LANCL1: variants seen among roughly 807,000 people sequenced by gnomAD.
LANCL1 encodes the protein LanC like glutathione S-transferase 1.
A neutral mutation model predicts 50.6 loss-of-function variants in LANCL1; 50 were observed. The observed-to-expected ratio is 0.99, with a 90% CI of 0.79 to 1.25. The LOEUF is 1.25. LANCL1 is among the 50% of genes most tolerant of loss of function. LANCL1 has a pLI of 0.00. For missense variants in LANCL1, 532 were observed against 480.7 expected, an observed-to-expected ratio of 1.11 and a Z score of -1.00; for synonymous variants, 188 against 178.6, an observed-to-expected ratio of 1.05 and a Z score of -0.42.
At chr2:210,450,391 C>T (rs999676428) in intron 4 of LANCL1, among the ~76,000 whole-genome samples, 3 of 152,174 alleles carry the variant, frequency 2.0e-5, no homozygotes, top group African/African-American at 7.2e-5. Flanking sequence ...CATAAAATCA[C>T]TAGAAGACAA....
chr2:210,446,163 C>T (rs541509039), intron 4 of LANCL1, among the ~76,000 whole-genome samples: 1 of 152,298 alleles, frequency 6.6e-6, no homozygotes, highest in African/African-American at 2.4e-5. Flanking sequence ...TGCTTCCTGA[C>T]TGGGAGACAC....
intron 3 of LANCL1, 72 bp downstream of exon 3, chr2:210,471,887 A>C: frequency 9.5e-7 from 1 of 1,050,110 alleles, no homozygotes; most frequent in Non-Finnish European, 1.5e-6. Flanking sequence ...CCATTCAGAC[A>C]GACAGCTCTC....
At chr2:210,468,438 A>G (rs1694134093) in intron 3 of LANCL1, 1 of 152,190 alleles carries the variant, frequency 6.6e-6, no homozygotes, top group African/African-American at 2.4e-5. Context: ...TTCTTGTTAT[A>G]TAGAAGTTAC....
At chr2:210,466,520 G>A (rs1032629421) in intron 3 of LANCL1, among the ~76,000 whole-genome samples, 6 of 152,286 alleles carry the variant, frequency 3.9e-5, no homozygotes, top group Middle Eastern at 3.4e-3. Flanking sequence ...ACACATAGCC[G>A]TCTTGCCTGT....
At chr2:210,454,469 C>T (rs192924781) in intron 4 of LANCL1, among the ~76,000 whole-genome samples, 2 of 152,278 alleles carry the variant, frequency 1.3e-5, no homozygotes, top group African/African-American at 4.8e-5. Flanking sequence ...CCATGGTCAA[C>T]TCAGGGACAG....
intron 3 of LANCL1, among the ~76,000 whole-genome samples, chr2:210,458,348 TAC>T (rs1483832508): frequency 2.6e-5 from 4 of 152,190 alleles, no homozygotes; most frequent in Non-Finnish European, 5.9e-5. Flanking sequence ...GAAGCTAGAT[TAC>T]ACAGAGTCTA....
chr2:210,440,083 C>T (rs1043185659), intron 6 of LANCL1, among the ~76,000 whole-genome samples: 3 of 152,100 alleles, frequency 2.0e-5, no homozygotes, highest in Non-Finnish European at 4.4e-5. Context: ...AGTATTAGAT[C>T]CCAAGAACTG....
chr2:210,464,688 C>T (rs1016050386), intron 3 of LANCL1, among the ~76,000 whole-genome samples: 5 of 146,998 alleles, frequency 3.4e-5, no homozygotes, highest in African/African-American at 5.4e-5. Flanking sequence ...GCGTACAGGC[C>T]GGGCGCGGTG....
intron 3 of LANCL1, chr2:210,471,627 C>A (rs1559723284): frequency 2.0e-6 from 1 of 490,566 alleles, no homozygotes; most frequent in Non-Finnish European, 4.0e-6. Context: ...TATTTTGGAA[C>A]TCTTCCCAAT....
intron 3 of LANCL1, among the ~76,000 whole-genome samples, chr2:210,467,195 C>T (rs953741130): frequency 6.6e-6 from 1 of 152,168 alleles, no homozygotes; most frequent in Non-Finnish European, 1.5e-5. Flanking sequence ...GACACGGATT[C>T]GTATATGGTA....
At position 210,455,810 on chromosome 2, in the gene LANCL1, G is replaced by GTTT. The variant is rs60277321; in HGVS notation, c.200-499_200-497dup. On this transcript the variant is annotated intron_variant, in intron 3 of 9. Transcript: ENST00000450366. ...AAAAGTTTGTTTTGTGTGTGTGTGT[G>GTTT]TTTTTTTTTTTTTTTTTGTGAAAAG... 2.4e-3 allele frequency among the ~76,000 whole-genome samples: 305 copies of GTTT among 125,928 alleles called. 3 individuals carry two copies. In the Middle Eastern group the frequency reaches 0.049, roughly 20 times the overall value. 82.6% of individuals were successfully genotyped at this position (125,928 alleles called of 152,430 possible). A position where few individuals can be genotyped will look rare whatever the true frequency, so the allele number is the denominator to read the frequency against.
intron 3 of LANCL1, among the ~76,000 whole-genome samples, chr2:210,463,838 T>A (rs143436922): frequency 7.9e-4 from 121 of 152,278 alleles, no homozygotes; most frequent in African/African-American, 2.8e-3. Flanking sequence ...CATTTTTACC[T>A]CTGCTGTGAA....
intron 6 of LANCL1, among the ~76,000 whole-genome samples, chr2:210,438,511 ATGTGAG>A (rs1478142104): frequency 6.6e-6 from 1 of 152,214 alleles, no homozygotes; most frequent in African/African-American, 2.4e-5. Context: ...ATGCCTATGA[ATGTGAG>A]TGTAAGAGAA....
chr2:210,476,506 C>T (rs1694383461), intron 1 of LANCL1, 94 bp from the exon 2 acceptor site: 6 of 1,449,392 alleles, frequency 4.1e-6, no homozygotes, highest in Admixed American at 2.6e-5. Flanking sequence ...CCCCTTCCTC[C>T]AGCTCCAGGG....
chr2:210,452,832 T>A lies in LANCL1; in HGVS notation c.407+2275A>T, dbSNP rs145212429. ...AAAAAGCAAGCTAGCTAGAACATGA[T>A]GTTGGCAATGAAGCACAACAAAGGC... is the stretch of plus-strand genomic sequence containing the variant. On this transcript the variant is annotated intron_variant, in intron 4 of 9. Coordinates refer to ENST00000450366, the MANE Select transcript of LANCL1 (RefSeq NM_006055.3). Among the ~76,000 whole-genome samples the A allele has an allele frequency of 2.9e-3, 449 of 152,236 alleles. 1 individual carries two copies. Among genetic ancestry groups the A allele is most frequent in the African/African-American group, 0.01 (430 of 41,554 alleles).
At chr2:210,455,810 G>GTTTT (rs60277321) in intron 3 of LANCL1, among the ~76,000 whole-genome samples, 18 of 125,974 alleles carry the variant, frequency 1.4e-4, no homozygotes, top group African/African-American at 4.2e-4. Flanking sequence ...GTGTGTGTGT[G>GTTTT]TTTTTTTTTT....
At chr2:210,448,096 T>A (rs553398170) in intron 4 of LANCL1, among the ~76,000 whole-genome samples, 16 of 152,302 alleles carry the variant, frequency 1.1e-4, no homozygotes, top group African/African-American at 3.8e-4. Context: ...CTTGACCTCA[T>A]AATTGGAAGT....
intron 4 of LANCL1, among the ~76,000 whole-genome samples, chr2:210,444,001 C>T (rs1203896090): frequency 6.6e-6 from 1 of 152,092 alleles, no homozygotes; most frequent in East Asian, 1.9e-4. Context: ...CTCTGAGCTA[C>T]AAAAACAGGG....
Position 210,476,485 on chromosome 2 carries a change from G to T in LANCL1, c.-16-73C>A, listed in dbSNP as rs1694381469. On this transcript the variant is annotated intron_variant, in intron 1 of 9. Coordinates refer to ENST00000450366, the MANE Select transcript of LANCL1 (RefSeq NM_006055.3). ...GCCGAGTTGCGAGGGCGGCGGCGGCGCCCAGGTATCCCCCTTCCTCCAGCT... is the reference window on the plus strand; with the variant it reads ...GCCGAGTTGCGAGGGCGGCGGCGGCTCCCAGGTATCCCCCTTCCTCCAGCT... 5 of 1,472,242 alleles carry T rather than the reference G, an allele frequency of 3.4e-6. No homozygotes were observed. In the Admixed American group the frequency reaches 9.1e-5, roughly 27 times the overall value. 91.2% of individuals were successfully genotyped at this position (1,472,242 alleles called of 1,614,324 possible).
Sources: gnomAD v4.1 joint callset for allele counts (sites outside exome capture counted in the v4.1 genomes callset) on GRCh38, gnomAD v4.1.1 for gene constraint, MANE v1.5 for transcripts, NCBI Gene and HGNC (gene_info 2026-07-23, HGNC 2026-07-21) for gene names.